The following SLC5A10 variants were observed in gnomAD, a reference collection of about 807,000 sequenced individuals.
SLC5A10 encodes solute carrier family 5 member 10, also known as sodium/mannose cotransporter SLC5A10.
Under a neutral mutation model 68.9 loss-of-function variants are expected in SLC5A10, and 55 were observed. The ratio of observed to expected loss-of-function variants is 0.80; its 90% CI spans 0.64 to 1.00. SLC5A10 has a LOEUF of 1.00. Ranked by LOEUF, SLC5A10 falls within the 50% of genes least tolerant of loss-of-function variation. The probability of loss-of-function intolerance (pLI) is 0.00; values close to 1 mark genes in which losing one functional copy is unlikely to be tolerated. For missense variants in SLC5A10, 732 were observed against 819.3 expected, an observed-to-expected ratio of 0.89 and a Z score of 1.30; for synonymous variants, 344 against 344.8, an observed-to-expected ratio of 1.00 and a Z score of 0.02.
At chr17:18,958,200 A>G (rs2042541028) in intron 1 of SLC5A10, among the ~76,000 whole-genome samples, 2 of 152,192 alleles carry the variant, frequency 1.3e-5, no homozygotes, top group Admixed American at 1.3e-4. Context: ...TGTCCTAAGT[A>G]GCGGGGGCCA....
chr17:18,956,441 T>C (rs2042502493), intron 1 of SLC5A10, among the ~76,000 whole-genome samples: 1 of 151,108 alleles, frequency 6.6e-6, no homozygotes, highest in Admixed American at 6.6e-5. Flanking sequence ...TTTCAAATTC[T>C]TCTGTTTTTT....
chr17:18,968,959 G>T lies in SLC5A10; in HGVS notation c.454-93G>T. 8.1e-7 allele frequency: 1 copy of T among 1,239,524 alleles called. No homozygotes were observed. The allele number at this position is 1,239,524 out of a possible 1,614,324, so 76.8% of individuals were successfully genotyped here. On this transcript the variant is annotated intron_variant, in intron 5 of 14. Transcript: ENST00000395645. The surrounding 1 kb of genome is among the most constrained non-coding windows in gnomAD (Gnocchi z 4.1). ...CCCCTCCTTATCCACAGGCCACCGA[G>T]GCCCAGAGAGGGCCTTGCCCGAGGT...
intron 8 of SLC5A10, chr17:18,976,219 GTAATA>G (rs1284136814): frequency 6.9e-6 from 1 of 144,510 alleles, no homozygotes; most frequent in Non-Finnish European, 1.5e-5. Flanking sequence ...AAGTAGAATC[GTAATA>G]TCAGTGCTGG....
intron 9 of SLC5A10, chr17:18,979,765 G>T: frequency 6.9e-7 from 1 of 1,445,788 alleles, no homozygotes. Flanking sequence ...GCTCAGAGGG[G>T]ACTCTGGAGT....
intron 9 of SLC5A10, chr17:18,988,235 G>C: frequency 1.9e-6 from 3 of 1,603,772 alleles, no homozygotes; most frequent in Non-Finnish European, 2.6e-6. Flanking sequence ...GGCAAGTGAG[G>C]AGCCTGCTCA....
At chr17:18,970,860 C>T in intron 7 of SLC5A10, 153 bp from the exon 8 acceptor site, 1 of 659,094 alleles carries the variant, frequency 1.5e-6, no homozygotes, top group Non-Finnish European at 2.6e-6. Flanking sequence ...ACCCTCTACC[C>T]TCACACCTTT....
chr17:18,971,503 G>A lies in SLC5A10; in HGVS notation c.846+285G>A, dbSNP rs1474188835. The A allele has an allele frequency of 2.5e-6, 4 of 1,614,016 alleles. No individual in the cohort carries two copies. The highest frequency in any genetic ancestry group is 3.4e-6 in the Non-Finnish European group (4 of 1,180,040). ...TTCCGAAGGGACTCGGATGCTCCTC[G>A]GTGGCCCTGCCATCGGTCATGGGGC... is the stretch of plus-strand genomic sequence containing the variant. On this transcript the variant is annotated intron_variant, in intron 8 of 14. Transcript: ENST00000395645. This position sits in a 1 kb window ranked among gnomAD's most constrained non-coding sequence, Gnocchi z 5.5.
Position 19,001,805 on chromosome 17 carries a change from G to A in SLC5A10, c.983-11605G>A, listed in dbSNP as rs117564298. Among the ~76,000 whole-genome samples the A allele has an allele frequency of 7.3e-3, 1,105 of 152,300 alleles. 13 individuals carry two copies. Among genetic ancestry groups the A allele is most frequent in the Non-Finnish European group, 0.012 (822 of 68,008 alleles). ...CTATCTGGCCCATCGCTGGGCGGGG[G>A]ATCTGTCTGTCTGCAGACCCTCTGG... On this transcript the variant is annotated intron_variant, in intron 9 of 14. Coordinates refer to ENST00000395645, the MANE Select transcript of SLC5A10 (RefSeq NM_001042450.4).
Position 19,015,219 on chromosome 17 carries a change from T to C in SLC5A10, c.1241+20T>C. On this transcript the variant is annotated intron_variant, in intron 11 of 14. Coordinates refer to ENST00000395645, the MANE Select transcript of SLC5A10 (RefSeq NM_001042450.4). ...GGGACGGTACGGGGGTGGGGGCCAG[T>C]ACGGGGGTGGGGGAACACTACAAGG... The C allele has an allele frequency of 3.2e-6, 1 of 308,636 alleles. No individual in the cohort carries two copies. The allele number at this position is 308,636 out of a possible 1,614,324, so 19.1% of individuals were successfully genotyped here.
At chr17:18,980,042 G>C (rs1303680201) in intron 9 of SLC5A10, among the ~76,000 whole-genome samples, 1 of 152,182 alleles carries the variant, frequency 6.6e-6, no homozygotes, top group Non-Finnish European at 1.5e-5. Context: ...GTCCTGAGCG[G>C]GAGGGTGATG....
chr17:18,995,143 C>G (rs950856657), intron 9 of SLC5A10, among the ~76,000 whole-genome samples: 2 of 151,916 alleles, frequency 1.3e-5, no homozygotes, highest in African/African-American at 4.8e-5. Context: ...CACAAAGAAA[C>G]AAGAAAACAT....
intron 5 of SLC5A10, among the ~76,000 whole-genome samples, chr17:18,960,946 TGAG>T (rs2042602360): frequency 1.3e-5 from 2 of 152,266 alleles, no homozygotes; most frequent in South Asian, 4.1e-4. Flanking sequence ...GTTCTCGGTC[TGAG>T]GTCAGTTCTG....
chr17:19,010,342 G>C (rs2043987792), intron 9 of SLC5A10, among the ~76,000 whole-genome samples: 1 of 152,220 alleles, frequency 6.6e-6, no homozygotes, highest in Non-Finnish European at 1.5e-5. Context: ...ACGGGGAGCT[G>C]ATGCAAAAGT....
At chr17:18,960,266 G>C (rs1392155691) in intron 4 of SLC5A10, among the ~76,000 whole-genome samples, 1 of 152,128 alleles carries the variant, frequency 6.6e-6, no homozygotes, top group Admixed American at 6.5e-5. Flanking sequence ...CTCTGTCCCA[G>C]CCACGGCCCC....
chr17:19,013,146 A>G (rs2044051975), intron 9 of SLC5A10, among the ~76,000 whole-genome samples: 1 of 152,240 alleles, frequency 6.6e-6, no homozygotes, highest in South Asian at 2.1e-4. Context: ...CTCACACAGC[A>G]GAGCCAACGG....
chr17:18,962,424 TAAA>T (rs1456263981), intron 5 of SLC5A10, among the ~76,000 whole-genome samples: 2 of 151,968 alleles, frequency 1.3e-5, no homozygotes, highest in African/African-American at 2.4e-5. Flanking sequence ...TGGGGCCAGA[TAAA>T]GAACAGCGTG....
At position 18,959,602 on chromosome 17, in the gene SLC5A10, AG is replaced by A. The variant is rs2042572464; in HGVS notation, c.289del. The A allele has an allele frequency of 3.7e-6, 6 of 1,613,780 alleles. No homozygotes were observed. The South Asian group carries it at 5.5e-5, about 15-fold the overall frequency. ...AGTCCTCACCTGTCTCTGTCCCCAT[AG>A]GCCACGTACGTGCTGCTGGCACTGG... is the stretch of plus-strand genomic sequence containing the variant. On this transcript the variant is annotated splice_acceptor_variant, in intron 3 of 14. Transcript: ENST00000395645. LOFTEE classifies it high-confidence loss of function.
chr17:18,971,463 G>A lies in SLC5A10; in HGVS notation c.846+245G>A. ...GCCTTTAGGTGCTTCGACTGAGACAGTTTGGAGTATGGGATTCCGAAGGGA... is the reference window on the plus strand; with the variant it reads ...GCCTTTAGGTGCTTCGACTGAGACAATTTGGAGTATGGGATTCCGAAGGGA... On this transcript the variant is annotated intron_variant, in intron 8 of 14. Coordinates refer to ENST00000395645, the MANE Select transcript of SLC5A10 (RefSeq NM_001042450.4). The surrounding 1 kb of genome is among the most constrained non-coding windows in gnomAD (Gnocchi z 5.5). 2.5e-6 allele frequency: 4 copies of A among 1,614,004 alleles called. No homozygotes were observed. The highest frequency in any genetic ancestry group is 3.4e-6 in the Non-Finnish European group (4 of 1,180,042).
chr17:19,015,123 A>G lies in SLC5A10; in HGVS notation c.1165A>G (p.Ser389Gly). The change falls in exon 11 of 15, where the codon AGC becomes GGC. Residue 389 changes from serine to glycine, a missense_variant. Ser to Gly is a moderately conservative substitution (Grantham distance 56). Transcript: ENST00000395645. ...SSLTSIFNSS[S>G]TLFTMDIWRR... ...GCTGACCTCCATCTTCAACAGCAGC[A>G]GCACCCTCTTCACTATGGACATCTG... is the stretch of plus-strand genomic sequence containing the variant. 1 of 1,597,390 alleles carries G rather than the reference A, an allele frequency of 6.3e-7. No individual in the cohort carries two copies. The highest frequency in any genetic ancestry group is 8.6e-7 in the Non-Finnish European group (1 of 1,168,636).
Sources: gnomAD v4.1 joint callset for allele counts (sites outside exome capture counted in the v4.1 genomes callset) on GRCh38, gnomAD v4.1.1 for gene constraint, Gnocchi (gnomAD v3.1) non-coding constraint, MANE v1.5 for transcripts, NCBI Gene and HGNC (gene_info 2026-07-23, HGNC 2026-07-21) for gene names.